The following SH2D4A variants were observed in gnomAD, a reference collection of about 807,000 sequenced individuals.
SH2D4A encodes the protein SH2 domain containing 4A, also known as SH2 domain-containing protein 4A.
SH2D4A carries 70 observed loss-of-function variants against 64.7 expected under a neutral mutation model. That is an observed-to-expected ratio of 1.08 (90% CI 0.89 to 1.32). The LOEUF is 1.32. Among genes scored for constraint, SH2D4A ranks in the 40% most tolerant of loss-of-function variants. SH2D4A has a pLI of 0.00. For synonymous variants in SH2D4A, 268 were observed against 200.7 expected, an observed-to-expected ratio of 1.34 and a Z score of -2.83; for missense variants, 706 against 540.1, an observed-to-expected ratio of 1.31 and a Z score of -3.04.
intron 2 of SH2D4A, among the ~76,000 whole-genome samples, chr8:19,332,435 A>C (rs1357790433): frequency 6.6e-6 from 1 of 152,108 alleles, no homozygotes; most frequent in African/African-American, 2.4e-5. Flanking sequence ...GGAGTTCAAG[A>C]CCAGCCTGGC....
At chr8:19,389,423 T>C (rs2053447948) in intron 8 of SH2D4A, among the ~76,000 whole-genome samples, 1 of 152,192 alleles carries the variant, frequency 6.6e-6, no homozygotes, top group African/African-American at 2.4e-5. Context: ...CAGAGTTCAG[T>C]AGCACATGTG....
intron 6 of SH2D4A, 83 bp from the exon 7 acceptor site, chr8:19,363,989 T>A: frequency 7.6e-7 from 1 of 1,314,904 alleles, no homozygotes; most frequent in Non-Finnish European, 1.1e-6. Flanking sequence ...CCTGCGCTGC[T>A]GCCCGTTGTG....
intron 2 of SH2D4A, among the ~76,000 whole-genome samples, chr8:19,328,723 G>A (rs141740466): frequency 6.6e-4 from 100 of 152,210 alleles, no homozygotes; most frequent in Admixed American, 1.6e-3. Flanking sequence ...AGAAATATTC[G>A]TGCATTCTTC....
chr8:19,314,278 C>T (rs996464436), intron 1 of SH2D4A, among the ~76,000 whole-genome samples: 13 of 152,176 alleles, frequency 8.5e-5, no homozygotes, highest in Admixed American at 2.6e-4. Flanking sequence ...CTAGCAGGAG[C>T]ACGTCCTCGA....
intron 4 of SH2D4A, among the ~76,000 whole-genome samples, chr8:19,351,895 T>G (rs2052711061): frequency 6.6e-6 from 1 of 152,128 alleles, no homozygotes. Context: ...GCGATTCTTC[T>G]GCCTCAGCCT....
intron 8 of SH2D4A, among the ~76,000 whole-genome samples, chr8:19,381,514 C>G (rs111600951): frequency 0.012 from 1,757 of 152,218 alleles, 34 homozygotes; most frequent in African/African-American, 0.041. Context: ...TCTGTGTATC[C>G]TGCCACTTTG....
At chr8:19,387,812 A>C (rs557797361) in intron 8 of SH2D4A, among the ~76,000 whole-genome samples, 58 of 152,280 alleles carry the variant, frequency 3.8e-4, no homozygotes, top group Middle Eastern at 6.8e-3. Flanking sequence ...CTGCCTCAAT[A>C]TGTGCATGTA....
intron 2 of SH2D4A, among the ~76,000 whole-genome samples, chr8:19,322,577 T>C (rs2052209866): frequency 6.6e-6 from 1 of 151,940 alleles, no homozygotes. Context: ...CTAAAATTGT[T>C]GTGTATTGTG....
chr8:19,357,928 C>T (rs1192909142), intron 5 of SH2D4A, among the ~76,000 whole-genome samples: 1 of 151,996 alleles, frequency 6.6e-6, no homozygotes, highest in East Asian at 1.9e-4. Context: ...AGAGAAGGTT[C>T]CTGAGATCGG....
chr8:19,393,656 G>C, intron 9 of SH2D4A, 115 bp downstream of exon 9: 1 of 942,806 alleles, frequency 1.1e-6, no homozygotes, highest in Non-Finnish European at 1.6e-6. Flanking sequence ...AGGGGACAGG[G>C]GTGGGGGCTT....
rs150741296 is a variant in SH2D4A, at chr8:19,343,402, T to C, written c.513+8545T>C. 3.2e-3 allele frequency among the ~76,000 whole-genome samples: 481 copies of C among 152,250 alleles called. 2 individuals are homozygous for C. Among genetic ancestry groups the C allele is most frequent in the African/African-American group, 0.011 (444 of 41,554 alleles). The stretch of plus-strand genomic sequence containing the variant: ...GAGCTGTGGTCACACCATTGCACTC[T>C]AGGCTTGGCGACAGAGAAAGACTCT... On this transcript the variant is annotated intron_variant, in intron 4 of 9. Coordinates refer to ENST00000265807, the MANE Select transcript of SH2D4A (RefSeq NM_022071.4).
At chr8:19,364,837 G>A (rs1248133662) in intron 7 of SH2D4A, among the ~76,000 whole-genome samples, 6 of 152,132 alleles carry the variant, frequency 3.9e-5, no homozygotes, top group Non-Finnish European at 8.8e-5. Flanking sequence ...TTTTTTAGAT[G>A]AATTGTCTAT....
intron 2 of SH2D4A, among the ~76,000 whole-genome samples, chr8:19,328,472 T>C (rs886539464): frequency 1.3e-5 from 2 of 152,200 alleles, no homozygotes; most frequent in African/African-American, 4.8e-5. Flanking sequence ...CTTTGAGTCC[T>C]TCCTTAAATC....
At chr8:19,382,062 T>C (rs2053302350) in intron 8 of SH2D4A, among the ~76,000 whole-genome samples, 1 of 152,204 alleles carries the variant, frequency 6.6e-6, no homozygotes, top group Admixed American at 6.5e-5. Flanking sequence ...TACTAGCTTT[T>C]ATAATTGCCT....
At chr8:19,331,783 A>G (rs2052368521) in intron 2 of SH2D4A, among the ~76,000 whole-genome samples, 1 of 152,210 alleles carries the variant, frequency 6.6e-6, no homozygotes, top group African/African-American at 2.4e-5. Flanking sequence ...TAGGTAGTAA[A>G]TATTGGTATT....
chr8:19,330,189 C>G (rs566066837), intron 2 of SH2D4A, among the ~76,000 whole-genome samples: 11 of 152,302 alleles, frequency 7.2e-5, no homozygotes, highest in South Asian at 4.1e-4. Flanking sequence ...GTCATCCCCT[C>G]ATCTGATGTG....
intron 8 of SH2D4A, among the ~76,000 whole-genome samples, chr8:19,391,159 A>G (rs983556099): frequency 6.6e-6 from 1 of 152,050 alleles, no homozygotes; most frequent in African/African-American, 2.4e-5. Flanking sequence ...GTCTTTAGAG[A>G]TTTGCCATGT....
chr8:19,348,262 A>AT (rs1199751933), intron 4 of SH2D4A, among the ~76,000 whole-genome samples: 5 of 151,880 alleles, frequency 3.3e-5, no homozygotes, highest in Admixed American at 6.6e-5. Flanking sequence ...TGCCCAGCTA[A>AT]TTTTTTTATT....
intron 4 of SH2D4A, among the ~76,000 whole-genome samples, chr8:19,338,128 T>A (rs571239610): frequency 2.6e-5 from 4 of 152,322 alleles, no homozygotes; most frequent in Admixed American, 2.6e-4. Flanking sequence ...GTGAATGCAG[T>A]TACTTCTCAT....
Sources: allele counts gnomAD v4.1 joint callset (sites outside exome capture counted in the v4.1 genomes callset), GRCh38; gene constraint gnomAD v4.1.1; transcripts MANE v1.5; gene names NCBI Gene and HGNC (gene_info 2026-07-23, HGNC 2026-07-21).